Variants in NPRL2 observed in about 807,000 individuals in gnomAD.
NPRL2 encodes the protein NPR2 like, GATOR1 complex subunit, also known as GATOR1 complex protein NPRL2.
A neutral mutation model predicts 51.1 loss-of-function variants in NPRL2; 21 were observed. The observed-to-expected ratio is 0.41, with a 90% CI of 0.29 to 0.59. The LOEUF (loss-of-function observed/expected upper bound fraction) is 0.59. Ranked by LOEUF, NPRL2 falls within the 20% of genes least tolerant of loss-of-function variation. The pLI is 0.29. For synonymous variants in NPRL2, 175 were observed against 187.8 expected (o/e 0.93, Z 0.56); for missense variants, 376 against 483.4 (o/e 0.78, Z 2.08).
chr3:50,350,321 C>T lies in NPRL2; in HGVS notation c.78+254G>A. ...GGATACTCATGGGTCACCCAACTCACCTTCTGTGGGACCTGGAACCCCCCA... is the reference window on the plus strand; with the variant it reads ...GGATACTCATGGGTCACCCAACTCATCTTCTGTGGGACCTGGAACCCCCCA... On this transcript the variant is annotated intron_variant, in intron 1 of 10. Transcript: ENST00000232501. This position sits in a 1 kb window ranked among gnomAD's most constrained non-coding sequence, Gnocchi z 5.7. 1.7e-6 allele frequency: 1 copy of T among 602,132 alleles called. No homozygotes were observed. Among genetic ancestry groups the T allele is most frequent in the Non-Finnish European group, 2.9e-6 (1 of 340,144 alleles). 37.3% of individuals were successfully genotyped at this position (602,132 alleles called of 1,614,324 possible). A position where few individuals can be genotyped will look rare whatever the true frequency, so the allele number is the denominator to read the frequency against.
chr3:50,348,779 G>C lies in NPRL2; in HGVS notation c.589C>G (p.Leu197Val). ...TGGCGGAACCCATCAATGTAGGGCA[G>C]GATCTGGGCAGAGTGGGACAAGGTC... is the stretch of plus-strand genomic sequence containing the variant. ...SQWDLTTQQILPYIDGFRHIQ... is the reference protein window; with the variant it reads ...SQWDLTTQQIVPYIDGFRHIQ... Residue 197 changes from leucine to valine, a missense_variant, in exon 6 of 11, where the codon CTG becomes GTG. Physicochemically the swap from Leu to Val is conservative, Grantham distance 32 (BLOSUM62 1). Transcript: ENST00000232501. The surrounding 1 kb of genome is among the most constrained non-coding windows in gnomAD (Gnocchi z 5.8). The C allele has an allele frequency of 3.1e-6, 5 of 1,614,068 alleles. No individual in the cohort carries two copies. Among genetic ancestry groups the C allele is most frequent in the Non-Finnish European group, 3.4e-6 (4 of 1,180,030 alleles).
Position 50,347,627 on chromosome 3 carries a change from G to T in NPRL2, c.1122C>A (p.Asn374Lys). Residue 374 changes from asparagine (N) to lysine (K), a missense_variant, in exon 11 of 11, where the codon AAC (asparagine) becomes AAA (lysine). Asn to Lys is a moderately conservative substitution (Grantham distance 94). Coordinates refer to ENST00000232501, the MANE Select transcript of NPRL2 (RefSeq NM_006545.5). ...ELDERLENDP[N>K]IIICWK ...AGCCTCACTTCCAGCAGATGATGAT[G>T]TTGGGGTCATTTTCAAGCCGCTCAT... The T allele has an allele frequency of 6.2e-7, 1 of 1,614,098 alleles. No homozygotes were observed. The highest frequency in any genetic ancestry group is 8.5e-7 in the Non-Finnish European group (1 of 1,180,028).
rs1703599923 is a variant in NPRL2, at chr3:50,347,675, T to C, written c.1076-2A>G. ...CATCCAGCTCATGGTAGCTCATGCC[T>C]GGGTGGGGTGGTGGAGGAGAGGTCA... On this transcript the variant is annotated splice_acceptor_variant, in intron 10 of 10. Coordinates refer to ENST00000232501, the MANE Select transcript of NPRL2 (RefSeq NM_006545.5). LOFTEE classifies it high-confidence loss of function. The C allele has an allele frequency of 1.9e-6, 3 of 1,614,038 alleles. No individual in the cohort carries two copies. The highest frequency in any genetic ancestry group is 2.5e-6 in the Non-Finnish European group (3 of 1,180,016).
chr3:50,350,432 TCTGA>T lies in NPRL2; in HGVS notation c.78+139_78+142del, dbSNP rs1703718716. The stretch of plus-strand genomic sequence containing the variant: ...CCACATTGGGAGCCGGGGGCCTGGG[TCTGA>T]CTATCCTCTAGCCTCACAGTTGTCT... On this transcript the variant is annotated intron_variant, in intron 1 of 10. Coordinates refer to ENST00000232501, the MANE Select transcript of NPRL2 (RefSeq NM_006545.5). The surrounding 1 kb of genome is among the most constrained non-coding windows in gnomAD (Gnocchi z 5.7). 2.3e-6 allele frequency: 2 copies of T among 854,874 alleles called. No individual in the cohort carries two copies. Among genetic ancestry groups the T allele is most frequent in the Non-Finnish European group, 3.6e-6 (2 of 559,402 alleles). The allele number at this position is 854,874 out of a possible 1,614,324, so 53.0% of individuals were successfully genotyped here. A position where few individuals can be genotyped will look rare whatever the true frequency, so the allele number is the denominator to read the frequency against.
In NPRL2 at chr3:50,350,688, C is replaced by A. The variant is rs1416141622; in HGVS notation, c.-36G>T. On this transcript the variant is annotated 5_prime_UTR_variant, in exon 1 of 11. Transcript: ENST00000232501. This position sits in a 1 kb window ranked among gnomAD's most constrained non-coding sequence, Gnocchi z 5.7. ...GGGCCCAGGCCCGTAGCTCCTCGTT[C>A]CTCGCGCAGAGGCGTCCCCACCTCC... 4 of 1,576,518 alleles carry A rather than the reference C, an allele frequency of 2.5e-6. No homozygotes were observed.
chr3:50,348,579 G>A lies in NPRL2; in HGVS notation c.684-16C>T. 6.2e-7 allele frequency: 1 copy of A among 1,614,098 alleles called. No individual in the cohort carries two copies. The highest frequency in any genetic ancestry group is 8.5e-7 in the Non-Finnish European group (1 of 1,180,028). On this transcript the variant is annotated splice_polypyrimidine_tract_variant and intron_variant, in intron 6 of 10. Coordinates refer to ENST00000232501, the MANE Select transcript of NPRL2 (RefSeq NM_006545.5). The surrounding 1 kb of genome is among the most constrained non-coding windows in gnomAD (Gnocchi z 5.8). Reference sequence around the variant, plus strand: ...GCCGTAGTACCTGAGAGAGAGAGCTGTGCTCAGCTTCTGAGGACCATGCCT... The same window carrying A: ...GCCGTAGTACCTGAGAGAGAGAGCTATGCTCAGCTTCTGAGGACCATGCCT...
Position 50,347,458 on chromosome 3 carries a change from C to T in NPRL2, c.*148G>A, listed in dbSNP as rs587617024. 1.8e-5 allele frequency: 17 copies of T among 953,356 alleles called. No homozygotes were observed. The highest frequency in any genetic ancestry group is 1.3e-4 in the Admixed American group (6 of 47,890). 59.1% of individuals were successfully genotyped at this position (953,356 alleles called of 1,614,324 possible). ...ATTTCATTCACTGCTGGGTCTCCCA[C>T]GGCTGGCCCAGAAACAGCACTCAAT... On this transcript the variant is annotated 3_prime_UTR_variant, in exon 11 of 11. Transcript: ENST00000232501.
At position 50,347,585 on chromosome 3, in the gene NPRL2, T is replaced by C. The variant is rs756262173; in HGVS notation, c.*21A>G. 1 of 1,613,954 alleles carries C rather than the reference T, an allele frequency of 6.2e-7. No individual in the cohort carries two copies. The highest frequency in any genetic ancestry group is 8.5e-7 in the Non-Finnish European group (1 of 1,179,968). ...AGGAGGGACTACCCACAGCAATGTGTCCATCCAGTCACTACCAGCCTCACT... is the reference window on the plus strand; with the variant it reads ...AGGAGGGACTACCCACAGCAATGTGCCCATCCAGTCACTACCAGCCTCACT... On this transcript the variant is annotated 3_prime_UTR_variant, in exon 11 of 11. Coordinates refer to ENST00000232501, the MANE Select transcript of NPRL2 (RefSeq NM_006545.5).
In NPRL2 at chr3:50,348,602, C is replaced by G. The variant is rs938086828; in HGVS notation, c.684-39G>C. The stretch of plus-strand genomic sequence containing the variant: ...CTGTGCTCAGCTTCTGAGGACCATG[C>G]CTTCCCAACCCTCACACCCAGGGCC... On this transcript the variant is annotated intron_variant, in intron 6 of 10. Transcript: ENST00000232501. This position sits in a 1 kb window ranked among gnomAD's most constrained non-coding sequence, Gnocchi z 5.8. 1 of 1,614,062 alleles carries G rather than the reference C, an allele frequency of 6.2e-7. No individual in the cohort carries two copies. Among genetic ancestry groups the G allele is most frequent in the Non-Finnish European group, 8.5e-7 (1 of 1,180,010 alleles).
At position 50,348,259 on chromosome 3, in the gene NPRL2, C is replaced by A; in HGVS notation, c.815-18G>T. 6.2e-7 allele frequency: 1 copy of A among 1,613,824 alleles called. No homozygotes were observed. Among genetic ancestry groups the A allele is most frequent in the Non-Finnish European group, 8.5e-7 (1 of 1,179,884 alleles). The stretch of plus-strand genomic sequence containing the variant: ...CTTGTGCCCTGTGGGTGCCAGGGAT[C>A]AGCTCATCATGTGGCCCTGCCCTCC... On this transcript the variant is annotated intron_variant, in intron 8 of 10. Transcript: ENST00000232501. This position sits in a 1 kb window ranked among gnomAD's most constrained non-coding sequence, Gnocchi z 5.8.
rs1007784630 is a variant in NPRL2, at chr3:50,349,208, C to T, written c.448+178G>A. ...GGGCAGAGCTGGAGAGCTCTGCTTT[C>T]CCCCTACCCCCAGTCCCAGCTCCAT... is the stretch of plus-strand genomic sequence containing the variant. On this transcript the variant is annotated intron_variant, in intron 4 of 10. Coordinates refer to ENST00000232501, the MANE Select transcript of NPRL2 (RefSeq NM_006545.5). This position sits in a 1 kb window ranked among gnomAD's most constrained non-coding sequence, Gnocchi z 4.6. The T allele has an allele frequency of 4.8e-6, 4 of 834,448 alleles. No homozygotes were observed. The highest frequency in any genetic ancestry group is 7.4e-6 in the Non-Finnish European group (4 of 537,190). The allele number at this position is 834,448 out of a possible 1,614,324, so 51.7% of individuals were successfully genotyped here.
At position 50,349,468 on chromosome 3, in the gene NPRL2, C is replaced by T; in HGVS notation, c.366G>A (p.Glu122=). 8 of 1,613,872 alleles carry T rather than the reference C, an allele frequency of 5.0e-6. No individual in the cohort carries two copies. The highest frequency in any genetic ancestry group is 6.8e-6 in the Non-Finnish European group (8 of 1,180,026). ...TGGGCACCAACTTCTGCTTGCTCTC[C>T]TCCATGGACACGAAGCTGCTCTCTA... is the stretch of plus-strand genomic sequence containing the variant. ...LELESSFVSM[E]ESKQKLVPIM... The change falls in exon 4 of 11, where the codon GAG becomes GAA. Residue 122 remains glutamate, a synonymous_variant. Transcript: ENST00000232501. The surrounding 1 kb of genome is among the most constrained non-coding windows in gnomAD (Gnocchi z 4.6).
rs1703650048 is a variant in NPRL2, at chr3:50,348,884, G to A, written c.575C>T (p.Thr192Ile). The A allele has an allele frequency of 1.2e-6, 2 of 1,614,060 alleles. No homozygotes were observed. The highest frequency in any genetic ancestry group is 4.5e-5 in the East Asian group (2 of 44,886). Reference sequence around the variant, plus strand: ...GGAGGGATGGCATACTTGTTGTGTAGTGAGGTCCCACTGTGAGTTGAAGAA... The same window carrying A: ...GGAGGGATGGCATACTTGTTGTGTAATGAGGTCCCACTGTGAGTTGAAGAA... Reference protein sequence around the residue: ...EDFFNSQWDLTTQQILPYIDG... With the variant: ...EDFFNSQWDLITQQILPYIDG... The change falls in exon 5 of 11, where the codon ACT becomes ATT. Residue 192 changes from threonine to isoleucine, a missense_variant. Physicochemically the swap from Thr to Ile is moderately conservative, Grantham distance 89. Coordinates refer to ENST00000232501, the MANE Select transcript of NPRL2 (RefSeq NM_006545.5). This position sits in a 1 kb window ranked among gnomAD's most constrained non-coding sequence, Gnocchi z 5.8.
In NPRL2 at chr3:50,347,406, T is replaced by C. The variant is rs897900389; in HGVS notation, c.*200A>G. ...TCGATTGTCGGTCCTGCCCACCAGA[T>C]GGCGATCTAGCCCACGGCTCGTGGC... On this transcript the variant is annotated 3_prime_UTR_variant, in exon 11 of 11. Transcript: ENST00000232501. 2.1e-5 allele frequency: 8 copies of C among 375,994 alleles called. No individual in the cohort carries two copies. In the East Asian group the frequency reaches 3.6e-4, roughly 17 times the overall value. The allele number at this position is 375,994 out of a possible 1,614,324, so 23.3% of individuals were successfully genotyped here.
In NPRL2 at chr3:50,350,632, G is replaced by A; in HGVS notation, c.21C>T (p.Ile7=). 1 of 1,607,764 alleles carries A rather than the reference G, an allele frequency of 6.2e-7. No homozygotes were observed. The highest frequency in any genetic ancestry group is 8.5e-7 in the Non-Finnish European group (1 of 1,177,768). The change falls in exon 1 of 11, where the codon ATC becomes ATT. Residue 7 remains isoleucine (I), a synonymous_variant. Coordinates refer to ENST00000232501, the MANE Select transcript of NPRL2 (RefSeq NM_006545.5). This position sits in a 1 kb window ranked among gnomAD's most constrained non-coding sequence, Gnocchi z 5.7. MGSGCR[I]ECIFFSEFHP... ...GGAACTCGCTGAAGAATATGCATTC[G>A]ATGCGGCAGCCGCTGCCCATGGCAA...
rs1350508130 is a variant in NPRL2 at position 50,348,617 on chromosome 3, C to T, written c.684-54G>A. 6 of 1,613,862 alleles carry T rather than the reference C, an allele frequency of 3.7e-6. No individual in the cohort carries two copies. Among genetic ancestry groups the T allele is most frequent in the African/African-American group, 2.7e-5 (2 of 74,926 alleles). The stretch of plus-strand genomic sequence containing the variant: ...GAGGACCATGCCTTCCCAACCCTCA[C>T]ACCCAGGGCCCCTGAGGTCTTCCCT... On this transcript the variant is annotated intron_variant, in intron 6 of 10. Coordinates refer to ENST00000232501, the MANE Select transcript of NPRL2 (RefSeq NM_006545.5). The surrounding 1 kb of genome is among the most constrained non-coding windows in gnomAD (Gnocchi z 5.8).
rs756085364 is a variant in NPRL2, at chr3:50,348,751, A to G, written c.617T>C (p.Ile206Thr). 6.2e-7 allele frequency: 1 copy of G among 1,613,988 alleles called. No individual in the cohort carries two copies. Among genetic ancestry groups the G allele is most frequent in the Admixed American group, 1.7e-5 (1 of 60,020 alleles). The change falls in exon 6 of 11, where the codon ATC (isoleucine) becomes ACC (threonine). Residue 206 changes from isoleucine (I) to threonine (T), a missense_variant. Physicochemically the swap from Ile to Thr is moderately conservative, Grantham distance 89. Transcript: ENST00000232501. This position sits in a 1 kb window ranked among gnomAD's most constrained non-coding sequence, Gnocchi z 5.8. ...ATCTGCCTCTGCTGAAATCTTCTGG[A>G]TGTGGCGGAACCCATCAATGTAGGG... ...ILPYIDGFRH[I>T]QKISAEADVE...
Position 50,350,093 on chromosome 3 carries a change from T to C in NPRL2, c.79-71A>G. The C allele has an allele frequency of 7.8e-7, 1 of 1,279,178 alleles. No individual in the cohort carries two copies. The highest frequency in any genetic ancestry group is 1.1e-6 in the Non-Finnish European group (1 of 885,654). The allele number at this position is 1,279,178 out of a possible 1,614,324, so 79.2% of individuals were successfully genotyped here. ...GGGTGTAGTACAAATGGTGACCTCC[T>C]CATGCCCCCCAAGCCCAAGTCCTCT... On this transcript the variant is annotated intron_variant, in intron 1 of 10. Transcript: ENST00000232501. This position sits in a 1 kb window ranked among gnomAD's most constrained non-coding sequence, Gnocchi z 5.7.
Position 50,350,068 on chromosome 3 carries a change from G to T in NPRL2, c.79-46C>A. On this transcript the variant is annotated intron_variant, in intron 1 of 10. Coordinates refer to ENST00000232501, the MANE Select transcript of NPRL2 (RefSeq NM_006545.5). This position sits in a 1 kb window ranked among gnomAD's most constrained non-coding sequence, Gnocchi z 5.7. ...GGGCCCCTCAGTGGACATCTGTACT[G>T]GGTGTAGTACAAATGGTGACCTCCT... The T allele has an allele frequency of 6.7e-7, 1 of 1,496,104 alleles. No individual in the cohort carries two copies. Among genetic ancestry groups the T allele is most frequent in the Non-Finnish European group, 9.3e-7 (1 of 1,075,286 alleles). 92.7% of individuals were successfully genotyped at this position (1,496,104 alleles called of 1,614,324 possible).
Sources: allele counts gnomAD v4.1 joint callset, GRCh38; gene constraint gnomAD v4.1.1; non-coding constraint Gnocchi (gnomAD v3.1); transcripts MANE v1.5; gene names NCBI Gene and HGNC (gene_info 2026-07-23, HGNC 2026-07-21).